Variants in SORCS3 observed in about 807,000 individuals in gnomAD.
SORCS3 encodes sortilin related VPS10 domain containing receptor 3.
A neutral mutation model predicts 146.3 loss-of-function variants in SORCS3; 57 were observed. The ratio of observed to expected loss-of-function variants is 0.39; its 90% CI spans 0.31 to 0.49. The LOEUF (loss-of-function observed/expected upper bound fraction) is 0.49, where lower values mean the gene tolerates loss of function less well. SORCS3 is among the 20% of genes least tolerant of loss of function. The probability of loss-of-function intolerance (pLI) is 0.92; values close to 1 mark genes in which losing one functional copy is unlikely to be tolerated. For missense variants in SORCS3, 1,341 were observed against 1,575.5 expected (o/e 0.85, Z 2.52); for synonymous variants, 653 against 618.5 (o/e 1.06, Z -0.83).
intron 5 of SORCS3, among the ~76,000 whole-genome samples, chr10:105,082,400 C>T (rs563023931): frequency 2.6e-5 from 4 of 152,234 alleles, no homozygotes; most frequent in South Asian, 2.1e-4. Flanking sequence ...TTAGTTTATC[C>T]GTCCTTCAAA....
intron 4 of SORCS3, 127 bp downstream of exon 4, chr10:104,977,620 C>T (rs1296968886): frequency 2.3e-6 from 2 of 859,072 alleles, no homozygotes; most frequent in African/African-American, 1.7e-5. Context: ...CAAATCATTT[C>T]ATCATTGATT....
chr10:105,159,646 A>T (rs985501805), intron 11 of SORCS3, among the ~76,000 whole-genome samples: 3 of 152,204 alleles, frequency 2.0e-5, no homozygotes, highest in African/African-American at 7.2e-5. Flanking sequence ...TTGATGGCAT[A>T]AAGGAAGGCA....
intron 7 of SORCS3, among the ~76,000 whole-genome samples, chr10:105,130,715 C>T (rs2056012660): frequency 6.6e-6 from 1 of 152,100 alleles, no homozygotes; most frequent in African/African-American, 2.4e-5. Flanking sequence ...AAATCTGTTT[C>T]AAAGGAGGCT....
intron 1 of SORCS3, among the ~76,000 whole-genome samples, chr10:104,691,959 C>T (rs920040474): frequency 5.3e-5 from 8 of 152,078 alleles, no homozygotes; most frequent in Non-Finnish European, 1.0e-4. Flanking sequence ...AGCTTGATTT[C>T]CTTTTATACT....
At chr10:104,826,656 TG>T (rs1415970015) in intron 1 of SORCS3, among the ~76,000 whole-genome samples, 1 of 152,198 alleles carries the variant, frequency 6.6e-6, no homozygotes, top group Non-Finnish European at 1.5e-5. Flanking sequence ...TCAATGTCAA[TG>T]GCTGCTGACT....
intron 2 of SORCS3, among the ~76,000 whole-genome samples, chr10:104,884,933 C>T (rs78179724): frequency 0.015 from 2,224 of 152,034 alleles, 56 homozygotes; most frequent in African/African-American, 0.049. Flanking sequence ...GCATCTCTTT[C>T]ATTTTTTGCT....
chr10:104,922,778 G>A (rs1383503238), intron 3 of SORCS3, among the ~76,000 whole-genome samples: 1 of 150,960 alleles, frequency 6.6e-6, no homozygotes, highest in African/African-American at 2.5e-5. Context: ...GCATATTCAA[G>A]TGGTAACTAA....
At chr10:104,801,327 A>G (rs1029562520) in intron 1 of SORCS3, among the ~76,000 whole-genome samples, 2 of 152,232 alleles carry the variant, frequency 1.3e-5, no homozygotes, top group African/African-American at 4.8e-5. Context: ...AGCGTAGGGG[A>G]GTGGGCAGGC....
chr10:105,207,303 T>TA (rs2056608410), intron 16 of SORCS3, among the ~76,000 whole-genome samples: 1 of 148,344 alleles, frequency 6.7e-6, no homozygotes, highest in East Asian at 1.9e-4. Flanking sequence ...ATTATTATTA[T>TA]TTCTAAACTG....
At chr10:104,782,218 C>T (rs1379623605) in intron 1 of SORCS3, among the ~76,000 whole-genome samples, 2 of 152,200 alleles carry the variant, frequency 1.3e-5, no homozygotes, top group Non-Finnish European at 2.9e-5. Flanking sequence ...CATAAATCTA[C>T]CTGATACTCC....
intron 1 of SORCS3, among the ~76,000 whole-genome samples, chr10:104,730,493 C>A (rs1233047158): frequency 6.6e-6 from 1 of 152,164 alleles, no homozygotes; most frequent in Non-Finnish European, 1.5e-5. Context: ...AGTCCTATAC[C>A]AGCCACTGAC....
chr10:104,744,259 G>A (rs1031261593), intron 1 of SORCS3, among the ~76,000 whole-genome samples: 1 of 152,164 alleles, frequency 6.6e-6, no homozygotes, highest in African/African-American at 2.4e-5. Context: ...ACAATGAATA[G>A]ACTGTCAGAA....
chr10:105,167,304 C>T lies in SORCS3; in HGVS notation c.1856C>T (p.Ala619Val). 1 of 1,613,326 alleles carries T rather than the reference C, an allele frequency of 6.2e-7. No homozygotes were observed. Among genetic ancestry groups the T allele is most frequent in the Non-Finnish European group, 8.5e-7 (1 of 1,179,540 alleles). The change falls in exon 13 of 27, where the codon GCC becomes GTC. Residue 619 changes from alanine (A) to valine (V), a missense_variant. By Grantham distance (64) the Ala-to-Val change is moderately conservative. Coordinates refer to ENST00000369701, the MANE Select transcript of SORCS3 (RefSeq NM_014978.3). Reference sequence around the variant, plus strand: ...GTCTGGTTCCTAGACTGGGGTGGTGCCCTCGTGGCCATGAAACACACACCT... The same window carrying T: ...GTCTGGTTCCTAGACTGGGGTGGTGTCCTCGTGGCCATGAAACACACACCT... ...YNVWFLDWGG[A>V]LVAMKHTPLP... is the part of the protein sequence containing the mutation.
At chr10:104,965,382 G>C (rs2054820882) in intron 3 of SORCS3, among the ~76,000 whole-genome samples, 1 of 152,242 alleles carries the variant, frequency 6.6e-6, no homozygotes, top group Admixed American at 6.5e-5. Flanking sequence ...CATCTTTCTT[G>C]ACCATCAATT....
rs114047916 is a variant in SORCS3 at position 105,221,448 on chromosome 10, C to G, written c.2735-1668C>G. ...ACATTCTTTCATTAATTGTATGGTA[C>G]TTTAAACAACCACATAACACATTCA... On this transcript the variant is annotated intron_variant, in intron 19 of 26. Coordinates refer to ENST00000369701, the MANE Select transcript of SORCS3 (RefSeq NM_014978.3). Among the ~76,000 whole-genome samples the G allele has an allele frequency of 9.9e-3, 1,513 of 152,254 alleles. 30 individuals are homozygous for G. Among genetic ancestry groups the G allele is most frequent in the African/African-American group, 0.035 (1,446 of 41,534 alleles).
intron 5 of SORCS3, among the ~76,000 whole-genome samples, chr10:105,079,488 T>A (rs775797613): frequency 3.9e-5 from 6 of 152,212 alleles, no homozygotes; most frequent in Non-Finnish European, 7.3e-5. Flanking sequence ...TGGGGAAATA[T>A]CTTGAGATAC....
intron 5 of SORCS3, among the ~76,000 whole-genome samples, chr10:105,059,961 T>C (rs1380666857): frequency 2.6e-5 from 4 of 152,204 alleles, no homozygotes; most frequent in African/African-American, 2.4e-5. Flanking sequence ...TTTAAGCTGC[T>C]GAATGTTGAG....
chr10:104,950,097 G>A (rs1564720414), intron 3 of SORCS3, among the ~76,000 whole-genome samples: 1 of 152,170 alleles, frequency 6.6e-6, no homozygotes, highest in African/African-American at 2.4e-5. Flanking sequence ...TGTGCAAAAA[G>A]AAACAGCAGC....
At chr10:104,832,392 CAGAT>C (rs2133538108) in intron 1 of SORCS3, among the ~76,000 whole-genome samples, 1 of 152,306 alleles carries the variant, frequency 6.6e-6, no homozygotes, top group African/African-American at 2.4e-5. Context: ...AAGCTCAACA[CAGAT>C]GGATATTCCT....
Sources: allele counts gnomAD v4.1 joint callset (sites outside exome capture counted in the v4.1 genomes callset), GRCh38; gene constraint gnomAD v4.1.1; transcripts MANE v1.5; gene names NCBI Gene and HGNC (gene_info 2026-07-23, HGNC 2026-07-21).